The following RNF214 variants were observed in gnomAD, a reference collection of about 807,000 sequenced individuals.
RNF214 encodes ring finger protein 214.
In RNF214, 25 loss-of-function variants were observed where a neutral mutation model predicts 75.9. That is an observed-to-expected ratio of 0.33 (90% confidence interval 0.24 to 0.46). The LOEUF (loss-of-function observed/expected upper bound fraction) is 0.46. Ranked by LOEUF, RNF214 falls within the 20% of genes least tolerant of loss-of-function variation. RNF214 has a pLI of 1.00. For missense variants in RNF214, 725 were observed against 857.5 expected (o/e 0.85, Z 1.93); for synonymous variants, 314 against 308.8 (o/e 1.02, Z -0.18).
At chr11:117,280,415 T>G (rs1440482232) in intron 8 of RNF214, among the ~76,000 whole-genome samples, 156 bp downstream of exon 8, 1 of 152,212 alleles carries the variant, frequency 6.6e-6, no homozygotes, top group East Asian at 1.9e-4. Flanking sequence ...TGCTCAGTGG[T>G]TTTTCCTCTC....
chr11:117,247,063 T>C, intron 6 of RNF214, 115 bp downstream of exon 6: 1 of 884,272 alleles, frequency 1.1e-6, no homozygotes, highest in Non-Finnish European at 1.6e-6. Context: ...GAAAAACAAG[T>C]GTACAAGTAA....
At position 117,246,792 on chromosome 11, in the gene RNF214, A is replaced by T. The variant is rs1189750730; in HGVS notation, c.820-17A>T. On this transcript the variant is annotated splice_polypyrimidine_tract_variant and intron_variant, in intron 5 of 14. Coordinates refer to ENST00000300650, the MANE Select transcript of RNF214 (RefSeq NM_207343.4). ...TTCTTTTTTATTTGTGTGCGACTGTAATTGTGTGGAACTCAGGAGATATTA... is the reference window on the plus strand; with the variant it reads ...TTCTTTTTTATTTGTGTGCGACTGTTATTGTGTGGAACTCAGGAGATATTA... 1 of 1,513,052 alleles carries T rather than the reference A, an allele frequency of 6.6e-7. No homozygotes were observed. The highest frequency in any genetic ancestry group is 8.9e-7 in the Non-Finnish European group (1 of 1,128,394). 93.7% of individuals were successfully genotyped at this position (1,513,052 alleles called of 1,614,324 possible).
intron 6 of RNF214, among the ~76,000 whole-genome samples, chr11:117,262,616 A>T (rs2033691675): frequency 6.6e-6 from 1 of 150,696 alleles, no homozygotes; most frequent in African/African-American, 2.4e-5. Context: ...TCCTGGCCGC[A>T]AGTGATCCTC....
intron 6 of RNF214, among the ~76,000 whole-genome samples, chr11:117,279,449 A>C (rs1485869127): frequency 6.8e-6 from 1 of 147,036 alleles, no homozygotes; most frequent in Non-Finnish European, 1.5e-5. Context: ...ATCTTGCCTC[A>C]CCCTTCTGAG....
intron 6 of RNF214, among the ~76,000 whole-genome samples, chr11:117,269,429 A>C (rs1233383589): frequency 2.6e-5 from 4 of 152,014 alleles, no homozygotes; most frequent in Admixed American, 2.6e-4. Context: ...TGGCATGATC[A>C]TGGCTCACCA....
Position 117,238,935 on chromosome 11 carries a change from A to G in RNF214, c.442A>G (p.Asn148Asp). ...CCATACTAAGCAGCTTGCCTCCAGG[A>G]ATTGCTCTGAAGAGAAATCCCCACA... ...GCHTKQLASR[N>D]CSEEKSPQTS... is the part of the protein sequence containing the mutation. Residue 148 changes from asparagine to aspartate, a missense_variant, in exon 3 of 15, where the codon AAT becomes GAT. Asn to Asp is a conservative substitution (Grantham distance 23). This residue lies in a region of RNF214 where 362 missense variants were observed against 344.5 expected (regional missense o/e 1.05). Coordinates refer to ENST00000300650, the MANE Select transcript of RNF214 (RefSeq NM_207343.4). The G allele has an allele frequency of 6.2e-7, 1 of 1,614,152 alleles. No individual in the cohort carries two copies. The highest frequency in any genetic ancestry group is 8.5e-7 in the Non-Finnish European group (1 of 1,180,026).
chr11:117,262,655 T>C (rs954826453), intron 6 of RNF214, among the ~76,000 whole-genome samples: 7 of 151,996 alleles, frequency 4.6e-5, no homozygotes, highest in Non-Finnish European at 7.4e-5. Flanking sequence ...GTGCTGAGAT[T>C]ACAAGCGTGA....
At chr11:117,236,050 T>A (rs1036521527) in intron 2 of RNF214, among the ~76,000 whole-genome samples, 1 of 151,912 alleles carries the variant, frequency 6.6e-6, no homozygotes, top group African/African-American at 2.4e-5. Context: ...GACCTCTGCC[T>A]CCCGGGTTCA....
chr11:117,285,407 A>G lies in RNF214; in HGVS notation c.*256A>G, dbSNP rs1007712454. ...GCAGATTGTAGGGAAGATGATGTTT[A>G]GTTTGGCCTTGAAATTATGATATCC... On this transcript the variant is annotated 3_prime_UTR_variant, in exon 15 of 15. Transcript: ENST00000300650. The G allele has an allele frequency of 5.9e-6, 2 of 336,434 alleles. No homozygotes were observed. Among genetic ancestry groups the G allele is most frequent in the Non-Finnish European group, 1.1e-5 (2 of 183,672 alleles). The allele number at this position is 336,434 out of a possible 1,614,324, so 20.8% of individuals were successfully genotyped here. A position where few individuals can be genotyped will look rare whatever the true frequency, so the allele number is the denominator to read the frequency against.
intron 6 of RNF214, among the ~76,000 whole-genome samples, chr11:117,251,114 TCAA>T (rs2033369632): frequency 6.6e-6 from 1 of 151,548 alleles, no homozygotes; most frequent in Admixed American, 6.6e-5. Context: ...TGGCCCGTTC[TCAA>T]CGAGCTGTTG....
intron 4 of RNF214, among the ~76,000 whole-genome samples, chr11:117,243,276 A>G (rs2033129726): frequency 6.6e-6 from 1 of 152,140 alleles, no homozygotes; most frequent in Non-Finnish European, 1.5e-5. Flanking sequence ...CCTCCCAAGT[A>G]GCTGGGATTA....
intron 6 of RNF214, among the ~76,000 whole-genome samples, chr11:117,268,994 C>G (rs973325636): frequency 5.9e-5 from 9 of 152,196 alleles, no homozygotes; most frequent in Non-Finnish European, 1.3e-4. Flanking sequence ...ATAGTAAGCA[C>G]AGGGGAATTG....
intron 5 of RNF214, 141 bp from the exon 6 acceptor site, chr11:117,246,668 A>G (rs1450480746): frequency 1.1e-5 from 9 of 856,712 alleles, no homozygotes; most frequent in African/African-American, 3.4e-5. Flanking sequence ...GGAGCTACTC[A>G]TCAACCACAT....
At position 117,279,892 on chromosome 11, in the gene RNF214, G is replaced by T; in HGVS notation, c.960-16G>T. 2 of 1,583,426 alleles carry T rather than the reference G, an allele frequency of 1.3e-6. No homozygotes were observed. The highest frequency in any genetic ancestry group is 1.2e-5 in the South Asian group (1 of 86,884). ...TCTTTCTTCCTTAGTCTTGTTCTTG[G>T]TTTCTTATCTTACAGAGAGGTGTGG... On this transcript the variant is annotated splice_polypyrimidine_tract_variant and intron_variant, in intron 6 of 14. Transcript: ENST00000300650.
chr11:117,250,409 T>C (rs2033339733), intron 6 of RNF214, among the ~76,000 whole-genome samples: 1 of 152,154 alleles, frequency 6.6e-6, no homozygotes, highest in Non-Finnish European at 1.5e-5. Context: ...GAAAAAAGTT[T>C]AAGAAATTAA....
At chr11:117,276,729 G>A (rs2034022926) in intron 6 of RNF214, among the ~76,000 whole-genome samples, 1 of 152,230 alleles carries the variant, frequency 6.6e-6, no homozygotes, top group Non-Finnish European at 1.5e-5. Flanking sequence ...TTGTGAATAT[G>A]TGGAATGTTT....
At chr11:117,284,453 G>GTCAGTTCTTA in intron 14 of RNF214, among the ~76,000 whole-genome samples, 1 of 152,292 alleles carries the variant, frequency 6.6e-6, no homozygotes, top group African/African-American at 2.4e-5. Context: ...ATTTGAGGGT[G>GTCAGTTCTTA]TCAGGTCTTA....
At chr11:117,242,208 T>C (rs2033099171) in intron 4 of RNF214, among the ~76,000 whole-genome samples, 1 of 152,126 alleles carries the variant, frequency 6.6e-6, no homozygotes, top group Admixed American at 6.6e-5. Context: ...AAAGGGAAGG[T>C]AATGCTGGGA....
At chr11:117,280,821 G>T (rs2034111705) in intron 8 of RNF214, among the ~76,000 whole-genome samples, 1 of 152,094 alleles carries the variant, frequency 6.6e-6, no homozygotes, top group Non-Finnish European at 1.5e-5. Flanking sequence ...CCCTCTCTCT[G>T]TTGTTGGTTC....
Sources: gnomAD v4.1 joint callset for allele counts (sites outside exome capture counted in the v4.1 genomes callset) on GRCh38, gnomAD v4.1.1 for gene constraint, gnomAD v4.1.1 regional missense constraint, MANE v1.5 for transcripts, NCBI Gene and HGNC (gene_info 2026-07-23, HGNC 2026-07-21) for gene names.